Variants in ADAMTSL3 observed in about 807,000 individuals in gnomAD.
ADAMTSL3 encodes ADAMTS like 3, also known as ADAMTS-like protein 3.
In ADAMTSL3, 128 loss-of-function variants were observed where a neutral mutation model predicts 201.7. The ratio of observed to expected loss-of-function variants is 0.63; its 90% CI spans 0.55 to 0.73. ADAMTSL3 has a LOEUF of 0.73. Among genes scored for constraint, ADAMTSL3 ranks in the 30% least tolerant of loss-of-function variants. ADAMTSL3 has a pLI of 0.00. For synonymous variants in ADAMTSL3, 738 were observed against 748.4 expected (o/e 0.99, Z 0.23); for missense variants, 1,990 against 2,119.6 (o/e 0.94, Z 1.20).
In ADAMTSL3 at chr15:83,883,560, T is replaced by C. The variant is rs992960196; in HGVS notation, c.961-1541T>C. Reference sequence around the variant, plus strand: ...ATTGCATTTTTTAGAGATTTTTCTTTTTCATGTTTTTTTGAGACAGAGTCT... The same window carrying C: ...ATTGCATTTTTTAGAGATTTTTCTTCTTCATGTTTTTTTGAGACAGAGTCT... On this transcript the variant is annotated intron_variant, in intron 9 of 29. Transcript: ENST00000286744. Among the ~76,000 whole-genome samples the C allele has an allele frequency of 5.3e-5, 8 of 152,142 alleles. No individual in the cohort carries two copies. The South Asian group carries it at 1.7e-3, about 32-fold the overall frequency.
chr15:83,984,255 C>T (rs914794585), intron 21 of ADAMTSL3, among the ~76,000 whole-genome samples: 4 of 152,188 alleles, frequency 2.6e-5, no homozygotes, highest in African/African-American at 9.7e-5. Context: ...AATAACACAG[C>T]AGATGTGAAA....
At chr15:83,723,593 A>G (rs888591048) in intron 3 of ADAMTSL3, among the ~76,000 whole-genome samples, 6 of 152,176 alleles carry the variant, frequency 3.9e-5, no homozygotes, top group African/African-American at 1.4e-4. Flanking sequence ...GATTTCTGAG[A>G]TGGAATATTA....
At chr15:84,019,080 C>T (rs2068145222) in intron 25 of ADAMTSL3, among the ~76,000 whole-genome samples, 1 of 147,396 alleles carries the variant, frequency 6.8e-6, no homozygotes, top group African/African-American at 2.5e-5. Context: ...CACACATACA[C>T]ACACACACAC....
At chr15:83,658,860 C>T (rs2061127164) in intron 2 of ADAMTSL3, among the ~76,000 whole-genome samples, 2 of 151,942 alleles carry the variant, frequency 1.3e-5, no homozygotes, top group African/African-American at 2.4e-5. Context: ...TTACAACGTG[C>T]CCCCCCTTTT....
intron 2 of ADAMTSL3, among the ~76,000 whole-genome samples, chr15:83,702,450 A>G (rs1055651821): frequency 5.3e-5 from 8 of 152,156 alleles, no homozygotes; most frequent in African/African-American, 1.9e-4. Flanking sequence ...AGCCCCTCCC[A>G]TTACAGGCCT....
intron 6 of ADAMTSL3, among the ~76,000 whole-genome samples, chr15:83,820,712 G>C (rs2063849611): frequency 6.6e-6 from 1 of 152,166 alleles, no homozygotes; most frequent in Admixed American, 6.5e-5. Context: ...TTTTCAGAGT[G>C]GTCTCTGCAG....
intron 5 of ADAMTSL3, among the ~76,000 whole-genome samples, chr15:83,818,100 T>C (rs1380250488): frequency 6.6e-6 from 1 of 152,202 alleles, no homozygotes; most frequent in African/African-American, 2.4e-5. Flanking sequence ...AGGGCAATTT[T>C]GCAATATTTT....
At chr15:83,987,133 G>A (rs895218262) in intron 21 of ADAMTSL3, among the ~76,000 whole-genome samples, 12 of 152,194 alleles carry the variant, frequency 7.9e-5, no homozygotes, top group African/African-American at 2.9e-4. Context: ...TTTTTCATGT[G>A]TAGTCACTGG....
chr15:83,871,729 T>C (rs2065084548), intron 9 of ADAMTSL3, among the ~76,000 whole-genome samples: 2 of 152,312 alleles, frequency 1.3e-5, no homozygotes, highest in Non-Finnish European at 2.9e-5. Flanking sequence ...TAGTGGCCAA[T>C]ATATTTCCAA....
chr15:83,728,598 G>A (rs1567103659), intron 3 of ADAMTSL3, among the ~76,000 whole-genome samples: 1 of 151,868 alleles, frequency 6.6e-6, no homozygotes, highest in East Asian at 1.9e-4. Flanking sequence ...AACACTGATT[G>A]CATAAACAAA....
intron 3 of ADAMTSL3, among the ~76,000 whole-genome samples, chr15:83,742,095 A>C (rs988904154): frequency 6.6e-6 from 1 of 152,254 alleles, no homozygotes; most frequent in African/African-American, 2.4e-5. Context: ...TTAATTCACA[A>C]GGAAAAGTCA....
chr15:84,037,447 G>T (rs2068532272), intron 29 of ADAMTSL3, among the ~76,000 whole-genome samples: 1 of 152,176 alleles, frequency 6.6e-6, no homozygotes, highest in Admixed American at 6.5e-5. Flanking sequence ...AAGCATTGCT[G>T]CTCTGAGAAC....
In ADAMTSL3 at chr15:83,801,651, A is replaced by AATATATATATATATATATAT. The variant is rs68098545; in HGVS notation, c.318-2974_318-2955dup. ...TTATATATATAAATATATAAATATAAATATATATATATATATATATATATA... is the reference window on the plus strand; with the variant it reads ...TTATATATATAAATATATAAATATAAATATATATATATATATATATATATATATATATATATATATATATA... On this transcript the variant is annotated intron_variant, in intron 4 of 29. Transcript: ENST00000286744. 7.7e-4 allele frequency among the ~76,000 whole-genome samples: 24 copies of AATATATATATATATATATAT among 31,224 alleles called. 1 individual carries two copies. The highest frequency in any genetic ancestry group is 1.1e-3 in the Non-Finnish European group (17 of 14,948). 20.5% of individuals were successfully genotyped at this position (31,224 alleles called of 152,430 possible).
intron 23 of ADAMTSL3, among the ~76,000 whole-genome samples, chr15:83,996,362 T>C (rs1187451381): frequency 2.0e-5 from 3 of 152,352 alleles, no homozygotes; most frequent in Admixed American, 6.5e-5. Context: ...ATAAAAGTTC[T>C]GATCCCTGAA....
chr15:83,704,359 TA>T (rs2061818975), intron 2 of ADAMTSL3, 29 bp from the exon 3 acceptor site: 1 of 1,614,080 alleles, frequency 6.2e-7, no homozygotes, highest in Non-Finnish European at 8.5e-7. Flanking sequence ...ACTGGAGCCT[TA>T]TTTGTGACCA....
At chr15:84,006,108 G>A (rs2067889303) in intron 23 of ADAMTSL3, among the ~76,000 whole-genome samples, 1 of 152,200 alleles carries the variant, frequency 6.6e-6, no homozygotes, top group Non-Finnish European at 1.5e-5. Context: ...GTTAAGAAGA[G>A]TGCATTCATT....
chr15:83,913,462 G>A, intron 16 of ADAMTSL3, 84 bp downstream of exon 16: 1 of 1,378,494 alleles, frequency 7.3e-7, no homozygotes, highest in East Asian at 2.4e-5. Context: ...AGCCAAATAT[G>A]CAAATTAGCA....
intron 17 of ADAMTSL3, among the ~76,000 whole-genome samples, chr15:83,934,775 C>T (rs1487621162): frequency 1.3e-5 from 2 of 151,976 alleles, no homozygotes; most frequent in African/African-American, 4.8e-5. Flanking sequence ...AAAAATACCC[C>T]CAAAAATATG....
chr15:83,754,834 T>C (rs2062693345), intron 3 of ADAMTSL3, among the ~76,000 whole-genome samples: 1 of 152,230 alleles, frequency 6.6e-6, no homozygotes, highest in Non-Finnish European at 1.5e-5. Flanking sequence ...AATTATTTCC[T>C]TAAAGATACC....
Sources: allele counts gnomAD v4.1 joint callset (sites outside exome capture counted in the v4.1 genomes callset), GRCh38; gene constraint gnomAD v4.1.1; transcripts MANE v1.5; gene names NCBI Gene and HGNC (gene_info 2026-07-23, HGNC 2026-07-21).